ZNF385D: variants seen among roughly 807,000 people sequenced by gnomAD.
ZNF385D encodes zinc finger protein 659.
ZNF385D carries 15 observed loss-of-function variants against 35.8 expected under a neutral mutation model. The observed-to-expected ratio is 0.42, with a 90% confidence interval of 0.28 to 0.64. The LOEUF (loss-of-function observed/expected upper bound fraction) is 0.64, where lower values mean the gene tolerates loss of function less well. Ranked by LOEUF, ZNF385D falls within the 30% of genes least tolerant of loss-of-function variation. The pLI, the probability that ZNF385D is intolerant of heterozygous loss-of-function variation, is 0.23. For missense variants in ZNF385D, 474 were observed against 494.6 expected, an observed-to-expected ratio of 0.96 and a Z score of 0.39; for synonymous variants, 212 against 186.8, an observed-to-expected ratio of 1.13 and a Z score of -1.10.
intron 3 of ZNF385D, among the ~76,000 whole-genome samples, chr3:21,525,454 G>A (rs1162732322): frequency 2.0e-5 from 3 of 151,998 alleles, no homozygotes; most frequent in Non-Finnish European, 4.4e-5. Context: ...TTGGGAAGCC[G>A]AGGCGGGCAG....
chr3:21,518,148 T>C (rs1707693203), intron 3 of ZNF385D, among the ~76,000 whole-genome samples: 1 of 152,192 alleles, frequency 6.6e-6, no homozygotes, highest in Non-Finnish European at 1.5e-5. Flanking sequence ...CTTCTTAAGA[T>C]GAATGTATAA....
chr3:21,819,782 A>AAT (rs10662672), intron 3 of ZNF385D, among the ~76,000 whole-genome samples: 105,357 of 144,808 alleles, frequency 0.73, 38,433 homozygotes, highest in Middle Eastern at 0.77. Flanking sequence ...AATACACATA[A>AAT]ATATAATATA....
chr3:22,356,087 T>C (rs1198180331), intron 2 of ZNF385D, among the ~76,000 whole-genome samples: 1 of 152,002 alleles, frequency 6.6e-6, no homozygotes, highest in Non-Finnish European at 1.5e-5. Flanking sequence ...TATGAGTCTA[T>C]GTAAGCAAAT....
Position 22,291,186 on chromosome 3 carries a change from TTC to T in ZNF385D, c.106+81262_106+81263del, listed in dbSNP as rs1480426687. Among the ~76,000 whole-genome samples, 3 of 152,284 alleles carry T rather than the reference TTC, an allele frequency of 2.0e-5. No individual in the cohort carries two copies. The South Asian group carries it at 6.2e-4, about 32-fold the overall frequency. On this transcript the variant is annotated intron_variant, in intron 2 of 5. Coordinates refer to the ZNF385D transcript ENST00000494108. ...TTTACCATTACTGTTGGTTGTTACT[TTC>T]TGATTTCTCCTTCCAAATGAACTTT...
At chr3:21,544,607 C>CA (rs1012723265) in intron 3 of ZNF385D, among the ~76,000 whole-genome samples, 27 of 151,432 alleles carry the variant, frequency 1.8e-4, no homozygotes, top group East Asian at 7.8e-4. Flanking sequence ...TGACTGAATT[C>CA]AAAAAAAGGT....
At chr3:22,044,227 T>C (rs1698848650) in intron 3 of ZNF385D, among the ~76,000 whole-genome samples, 1 of 152,080 alleles carries the variant, frequency 6.6e-6, no homozygotes, top group South Asian at 2.1e-4. Context: ...ATGGTTCACT[T>C]ATTTGTTTGT....
At chr3:22,203,635 G>C (rs1223351811) in intron 2 of ZNF385D, among the ~76,000 whole-genome samples, 1 of 152,084 alleles carries the variant, frequency 6.6e-6, no homozygotes, top group Non-Finnish European at 1.5e-5. Flanking sequence ...GCTTCCCACA[G>C]TCACCACTAG....
At chr3:22,134,589 A>T (rs1302443138) in intron 3 of ZNF385D, among the ~76,000 whole-genome samples, 1 of 152,176 alleles carries the variant, frequency 6.6e-6, no homozygotes, top group Admixed American at 6.6e-5. Context: ...ACATTTACTA[A>T]AAGAGGCCAT....
chr3:21,565,406 T>C (rs759990268), intron 2 of ZNF385D, among the ~76,000 whole-genome samples: 2 of 152,130 alleles, frequency 1.3e-5, no homozygotes, highest in African/African-American at 4.8e-5. Context: ...ACCAGGCTTT[T>C]GTCCTATGGT....
intron 3 of ZNF385D, among the ~76,000 whole-genome samples, chr3:21,875,285 T>A (rs1697906839): frequency 6.6e-6 from 1 of 152,020 alleles, no homozygotes; most frequent in Non-Finnish European, 1.5e-5. Flanking sequence ...ACTTCCAGTG[T>A]TTATTTTCAT....
At chr3:21,988,260 T>C (rs1285219376) in intron 3 of ZNF385D, among the ~76,000 whole-genome samples, 9 of 123,004 alleles carry the variant, frequency 7.3e-5, no homozygotes, top group Non-Finnish European at 1.4e-4. Flanking sequence ...TTTTAGAGTT[T>C]CCAGTTTTTC....
intron 3 of ZNF385D, chr3:21,561,842 T>C (rs1302144957): frequency 6.6e-6 from 1 of 152,066 alleles, no homozygotes; most frequent in Non-Finnish European, 1.5e-5. Flanking sequence ...ATAGTAAAAA[T>C]AGAAAAGTTT....
At chr3:22,306,726 T>G (rs1703244004) in intron 2 of ZNF385D, among the ~76,000 whole-genome samples, 1 of 152,056 alleles carries the variant, frequency 6.6e-6, no homozygotes, top group Admixed American at 6.6e-5. Context: ...GTTGGAGAGA[T>G]AAGATTTGCT....
At chr3:22,267,663 T>C in intron 2 of ZNF385D, among the ~76,000 whole-genome samples, 1 of 151,944 alleles carries the variant, frequency 6.6e-6, no homozygotes, top group East Asian at 1.9e-4. Context: ...TTCTTTGTCA[T>C]GTAAAAATAT....
At chr3:21,469,043 G>T (rs1703715148) in intron 4 of ZNF385D, among the ~76,000 whole-genome samples, 1 of 152,158 alleles carries the variant, frequency 6.6e-6, no homozygotes, top group African/African-American at 2.4e-5. Flanking sequence ...GGATTGACTG[G>T]ACTGTGCATG....
chr3:21,441,889 A>T (rs1014306726), intron 4 of ZNF385D: 2 of 263,598 alleles, frequency 7.6e-6, no homozygotes, highest in African/African-American at 2.3e-5. Context: ...ATTCAGTGAG[A>T]AGAGAAAGAT....
At chr3:22,088,221 T>C (rs1701146096) in intron 3 of ZNF385D, among the ~76,000 whole-genome samples, 1 of 152,188 alleles carries the variant, frequency 6.6e-6, no homozygotes, top group Admixed American at 6.5e-5. Context: ...ATGGGCACGA[T>C]GAGCAAATGC....
At chr3:22,332,161 G>C (rs536912262) in intron 2 of ZNF385D, among the ~76,000 whole-genome samples, 17 of 152,124 alleles carry the variant, frequency 1.1e-4, no homozygotes, top group Non-Finnish European at 2.4e-4. Flanking sequence ...AGACCTGGTT[G>C]TTTTATGCAG....
chr3:22,358,399 C>A (rs1696252947), intron 2 of ZNF385D, among the ~76,000 whole-genome samples: 1 of 151,756 alleles, frequency 6.6e-6, no homozygotes, highest in Non-Finnish European at 1.5e-5. Context: ...CATTTTTGAA[C>A]AAAATGCAAC....
Sources: allele counts gnomAD v4.1 joint callset (sites outside exome capture counted in the v4.1 genomes callset), GRCh38; gene constraint gnomAD v4.1.1; transcripts MANE v1.5; gene names NCBI Gene and HGNC (gene_info 2026-07-23, HGNC 2026-07-21).